NAA11: variants seen among roughly 807,000 people sequenced by gnomAD.
NAA11 encodes N-alpha-acetyltransferase 11.
NAA11 carries 15 observed loss-of-function variants against 16.1 expected under a neutral mutation model. The observed-to-expected ratio is 0.93, with a 90% CI of 0.62 to 1.44. NAA11 has a LOEUF of 1.44. Among genes scored for constraint, NAA11 ranks in the 40% most tolerant of loss-of-function variants. The pLI is 0.00. For missense variants in NAA11, 298 were observed against 291.3 expected, an observed-to-expected ratio of 1.02 and a Z score of -0.17; for synonymous variants, 122 against 112.4, an observed-to-expected ratio of 1.09 and a Z score of -0.54.
chr4:79,162,467 C>G, the NAA11 span, among the ~76,000 whole-genome samples: 3 of 152,176 alleles, frequency 2.0e-5, no homozygotes, highest in South Asian at 6.2e-4. Context: ...CCCAGCTGCA[C>G]TCATGGTGAT....
chr4:79,290,462 C>G (rs1356922455), intron 2 of NAA11, among the ~76,000 whole-genome samples: 1 of 152,184 alleles, frequency 6.6e-6, no homozygotes, highest in African/African-American at 2.4e-5. Context: ...CCTCTGCTCT[C>G]TCTCTCATCA....
the NAA11 span, among the ~76,000 whole-genome samples, chr4:79,163,689 T>C: frequency 6.6e-6 from 1 of 152,272 alleles, no homozygotes; most frequent in Admixed American, 6.5e-5. Flanking sequence ...AGGTGGATGC[T>C]TGGAAGACAG....
At chr4:79,319,682 CATCT>C (rs1236027591) in intron 1 of NAA11, among the ~76,000 whole-genome samples, 11 of 152,308 alleles carry the variant, frequency 7.2e-5, no homozygotes, top group South Asian at 6.2e-4. Flanking sequence ...CAACAAATGG[CATCT>C]ATCTGATTAG....
At chr4:79,167,254 C>CACAT in the NAA11 span, among the ~76,000 whole-genome samples, 3 of 112,890 alleles carry the variant, frequency 2.7e-5, no homozygotes, top group Admixed American at 2.9e-4. Flanking sequence ...CACACACCCA[C>CACAT]ATATATATAT....
chr4:79,219,637 A>G, the NAA11 span, among the ~76,000 whole-genome samples: 7 of 152,256 alleles, frequency 4.6e-5, no homozygotes, highest in African/African-American at 1.7e-4. Context: ...ACAAACTGAA[A>G]AGTTGAAAGA....
chr4:79,224,377 T>C (rs1721265998), downstream of NAA11, among the ~76,000 whole-genome samples: 1 of 152,136 alleles, frequency 6.6e-6, no homozygotes, highest in African/African-American at 2.4e-5. Flanking sequence ...CAATAACATC[T>C]ACAGTTCTTG....
chr4:79,315,948 G>A (rs992651137), downstream of NAA11, among the ~76,000 whole-genome samples: 2 of 152,136 alleles, frequency 1.3e-5, no homozygotes, highest in Admixed American at 1.3e-4. Context: ...AAGATATAAT[G>A]ATAACAAAGA....
Position 79,325,149 on chromosome 4 carries a change from G to A in NAA11, c.*12+27C>T, listed in dbSNP as rs753965832. 5 of 1,528,964 alleles carry A rather than the reference G, an allele frequency of 3.3e-6. No individual in the cohort carries two copies. The South Asian group carries it at 6.2e-5, about 19-fold the overall frequency. The allele number at this position is 1,528,964 out of a possible 1,614,324, so 94.7% of individuals were successfully genotyped here. A position where few individuals can be genotyped will look rare whatever the true frequency, so the allele number is the denominator to read the frequency against. On this transcript the variant is annotated intron_variant, in intron 1 of 1. Coordinates refer to ENST00000286794, the MANE Select transcript of NAA11 (RefSeq NM_032693.3). Reference sequence around the variant, plus strand: ...AGGATGCAGGGATTTAGGAGAAGGGGGTACTGGGTCAGGGAAGACAGAATA... The same window carrying A: ...AGGATGCAGGGATTTAGGAGAAGGGAGTACTGGGTCAGGGAAGACAGAATA...
intron 2 of NAA11, among the ~76,000 whole-genome samples, chr4:79,279,725 A>G (rs1228739290): frequency 6.6e-6 from 1 of 152,074 alleles, no homozygotes; most frequent in East Asian, 1.9e-4. Context: ...AAAGGTGAAA[A>G]TATGTTGTAA....
At chr4:79,263,712 C>T (rs193130882) in intron 2 of NAA11, among the ~76,000 whole-genome samples, 27 of 152,208 alleles carry the variant, frequency 1.8e-4, no homozygotes, top group African/African-American at 5.5e-4. Context: ...TCTCCTATTC[C>T]GTTCACTTAG....
At chr4:79,284,206 A>G (rs1332145902) in intron 2 of NAA11, among the ~76,000 whole-genome samples, 1 of 152,100 alleles carries the variant, frequency 6.6e-6, no homozygotes, top group Non-Finnish European at 1.5e-5. Flanking sequence ...AATCATATTA[A>G]TTTGAAAGGC....
chr4:79,194,203 A>G, the NAA11 span, among the ~76,000 whole-genome samples: 4 of 27,216 alleles, frequency 1.5e-4, no homozygotes, highest in African/African-American at 3.6e-4. Flanking sequence ...TCCTAATTGA[A>G]TACTGTCGTT....
At chr4:79,200,304 G>T in the NAA11 span, among the ~76,000 whole-genome samples, 2 of 151,866 alleles carry the variant, frequency 1.3e-5, no homozygotes, top group African/African-American at 4.8e-5. Flanking sequence ...TGTGCTGCCT[G>T]TTGTTATTTG....
At chr4:79,222,648 T>C (rs1721216985), downstream of NAA11, among the ~76,000 whole-genome samples, 1 of 142,066 alleles carries the variant, frequency 7.0e-6, no homozygotes, top group African/African-American at 2.6e-5. Context: ...ACAAATGGGA[T>C]CTAATTAAAC....
the NAA11 span, among the ~76,000 whole-genome samples, chr4:79,211,991 T>G: frequency 2.0e-4 from 30 of 152,318 alleles, no homozygotes; most frequent in South Asian, 6.2e-3. Flanking sequence ...ACTCTGCCAA[T>G]GCCAGGTGTC....
chr4:79,272,056 TACAC>T (rs914237191), intron 2 of NAA11, among the ~76,000 whole-genome samples: 19 of 151,818 alleles, frequency 1.3e-4, no homozygotes, highest in Middle Eastern at 3.4e-3. Flanking sequence ...ACATAGAAGA[TACAC>T]ACATACATAT....
At chr4:79,289,981 C>A (rs1723043160) in intron 2 of NAA11, among the ~76,000 whole-genome samples, 1 of 152,230 alleles carries the variant, frequency 6.6e-6, no homozygotes, top group South Asian at 2.1e-4. Context: ...GGGTAGAAAG[C>A]GACCACCAGG....
At chr4:79,208,015 G>A in the NAA11 span, among the ~76,000 whole-genome samples, 3 of 152,066 alleles carry the variant, frequency 2.0e-5, no homozygotes, top group Admixed American at 2.0e-4. Context: ...TGATATGTAA[G>A]CATGGCATAT....
chr4:79,322,728 C>T (rs1483428921), intron 1 of NAA11, among the ~76,000 whole-genome samples: 1 of 152,086 alleles, frequency 6.6e-6, no homozygotes. Context: ...TTTGACAACG[C>T]TTTCTCAAGG....
Sources: gnomAD v4.1 joint callset for allele counts (sites outside exome capture counted in the v4.1 genomes callset) on GRCh38, gnomAD v4.1.1 for gene constraint, MANE v1.5 for transcripts, NCBI Gene and HGNC (gene_info 2026-07-23, HGNC 2026-07-21) for gene names.